The following NRK variants were observed in gnomAD, a reference collection of about 807,000 sequenced individuals.
The protein encoded by NRK is Nik related kinase, also known as nik-related protein kinase.
In NRK, 67 loss-of-function variants were observed where a neutral mutation model predicts 125.2. The observed-to-expected ratio is 0.54, with a 90% CI of 0.44 to 0.66. The LOEUF is 0.66. Ranked by LOEUF, NRK falls within the 30% of genes least tolerant of loss-of-function variation. The pLI is 0.00. For missense variants in NRK, 1,224 were observed against 1,192.9 expected (o/e 1.03, Z -0.38); for synonymous variants, 458 against 429.0 (o/e 1.07, Z -0.84).
At chrX:105,940,697 A>T in intron 23 of NRK, among the ~76,000 whole-genome samples, 2 of 111,917 alleles carry the variant, frequency 1.8e-5, no homozygotes. Context: ...GCTCTCAGCT[A>T]TAAAAAACCG....
At chrX:105,878,945 A>T (rs1158931833) in intron 2 of NRK, among the ~76,000 whole-genome samples, 1 of 111,335 alleles carries the variant, frequency 9.0e-6, no homozygotes, top group African/African-American at 3.3e-5. Context: ...TTTTGGACAT[A>T]AGAATTCTGA....
In NRK at chrX:105,939,956, G is replaced by A. The variant is rs56141600; in HGVS notation, c.3882G>A (p.Arg1294=). 5.3e-4 allele frequency: 631 copies of A among 1,188,504 alleles called. 1 individual carries two copies. Among genetic ancestry groups the A allele is most frequent in the Non-Finnish European group, 6.6e-4 (578 of 879,427 alleles). The change falls in exon 23 of 29, where the codon AGG becomes AGA. Residue 1294 remains arginine (R), a synonymous_variant. Transcript: ENST00000243300. ...ILNNDPESKR[R]QEEMLKTEEA... ...ATAATGATCCAGAAAGTAAAAGAAG[G>A]CAAGAAGAAATGCTGAAGACAGAGG...
At chrX:105,908,706 T>C (rs1295028230) in intron 12 of NRK, 21 bp from the exon 13 acceptor site, 1 of 1,159,554 alleles carries the variant, frequency 8.6e-7, no homozygotes, top group Admixed American at 2.6e-5. Context: ...TGTATGCCAA[T>C]CATTTGTGTG....
chrX:105,874,368 G>A (rs1187245215), intron 2 of NRK, among the ~76,000 whole-genome samples: 1 of 112,281 alleles, frequency 8.9e-6, no homozygotes, highest in East Asian at 2.8e-4. Context: ...TTGTTGATCA[G>A]TTAGAAGTCA....
Position 105,939,932 on chromosome X carries a change from T to G in NRK, c.3858T>G (p.Asn1286Lys). The change falls in exon 23 of 29, where the codon AAT becomes AAG. Residue 1286 changes from asparagine to lysine, a missense_variant. Asn to Lys is a moderately conservative substitution (Grantham distance 94). Coordinates refer to ENST00000243300, the MANE Select transcript of NRK (RefSeq NM_198465.4). ...CCTGGTTGAGGAACAAGATTTTGAATAATGATCCAGAAAGTAAAAGAAGGC... is the reference window on the plus strand; with the variant it reads ...CCTGGTTGAGGAACAAGATTTTGAAGAATGATCCAGAAAGTAAAAGAAGGC... ...HLTWLRNKIL[N>K]NDPESKRRQE... 1 of 1,191,350 alleles carries G rather than the reference T, an allele frequency of 8.4e-7. No homozygotes were observed. Among genetic ancestry groups the G allele is most frequent in the Non-Finnish European group, 1.1e-6 (1 of 879,100 alleles).
intron 5 of NRK, among the ~76,000 whole-genome samples, chrX:105,889,752 C>T (rs2039993016): frequency 8.9e-6 from 1 of 112,434 alleles, no homozygotes; most frequent in African/African-American, 3.2e-5. Flanking sequence ...TGTACCTTGG[C>T]CCCTTTTAGC....
chrX:105,863,433 C>T (rs948928652), intron 2 of NRK, among the ~76,000 whole-genome samples: 2 of 110,493 alleles, frequency 1.8e-5, no homozygotes, highest in Non-Finnish European at 3.8e-5. Context: ...GAATCCTTGC[C>T]GATGTTTAGT....
chrX:105,869,519 T>A (rs181654777), intron 2 of NRK, among the ~76,000 whole-genome samples: 44 of 111,433 alleles, frequency 3.9e-4, no homozygotes, highest in Non-Finnish European at 6.0e-4. Context: ...TTAGTAGCCA[T>A]CCCAGTCAAC....
At chrX:105,841,414 T>C (rs1053311809) in intron 2 of NRK, among the ~76,000 whole-genome samples, 2 of 111,575 alleles carry the variant, frequency 1.8e-5, no homozygotes, top group African/African-American at 6.5e-5. Context: ...AGAGGGAAAA[T>C]GAAGTGGGAA....
intron 1 of NRK, among the ~76,000 whole-genome samples, chrX:105,826,281 AAATATATATTATCATATATATAATAGAT>A (rs1205481775): frequency 1.4e-4 from 9 of 66,498 alleles, no homozygotes; most frequent in African/African-American, 4.5e-4. Context: ...AATATATATG[AAATATATATTATCATATATATAATAGAT>A]AATATATATT....
intron 23 of NRK, 29 bp from the exon 24 acceptor site, chrX:105,943,912 C>T (rs763378954): frequency 3.9e-5 from 29 of 746,156 alleles, no homozygotes; most frequent in Admixed American, 6.2e-5. Flanking sequence ...ACTGTGGCAT[C>T]GTTACTTTTT....
In NRK at chrX:105,935,284, A is replaced by G. The variant is rs779554607; in HGVS notation, c.3614A>G (p.Glu1205Gly). 18 of 1,202,637 alleles carry G rather than the reference A, an allele frequency of 1.5e-5. No individual in the cohort carries two copies. In the South Asian group the frequency reaches 3.0e-4, roughly 20 times the overall value. The change falls in exon 21 of 29, where the codon GAA (glutamate) becomes GGA (glycine). Residue 1205 changes from glutamate to glycine, a missense_variant. Physicochemically the swap from Glu to Gly is moderately conservative, Grantham distance 98 (BLOSUM62 -2). Coordinates refer to ENST00000243300, the MANE Select transcript of NRK (RefSeq NM_198465.4). Reference protein sequence around the residue: ...ACKKPLIHMYEKEFTSEICCG... With the variant: ...ACKKPLIHMYGKEFTSEICCG... ...AAAAAACCACTAATCCACATGTATG[A>G]AAAGGAGTTCACTTCTGAGATCTGC... is the stretch of plus-strand genomic sequence containing the variant.
chrX:105,958,534 C>G lies in NRK; in HGVS notation c.*2934C>G, dbSNP rs2147812099. On this transcript the variant is annotated 3_prime_UTR_variant, in exon 29 of 29. Coordinates refer to ENST00000243300, the MANE Select transcript of NRK (RefSeq NM_198465.4). ...ATTAATTTGTATTCAATGTGTACTT[C>G]AAGACTGCTAATTGTTTCATCTGAA... 8.9e-6 allele frequency: 1 copy of G among 112,124 alleles called. No individual in the cohort carries two copies. The highest frequency in any genetic ancestry group is 1.9e-5 in the Non-Finnish European group (1 of 53,219). 9.2% of individuals were successfully genotyped at this position (112,124 alleles called of 1,213,427 possible). A position where few individuals can be genotyped will look rare whatever the true frequency, so the allele number is the denominator to read the frequency against.
At chrX:105,826,792 T>C (rs1192603367) in intron 1 of NRK, among the ~76,000 whole-genome samples, 1 of 111,167 alleles carries the variant, frequency 9.0e-6, no homozygotes, top group Non-Finnish European at 1.9e-5. Flanking sequence ...GAAGCAGTTT[T>C]ACCTTCATTT....
rs775009772 is a variant in NRK, at chrX:105,909,411, C to G, written c.1770C>G (p.Pro590=). The change falls in exon 13 of 29, where the codon CCC becomes CCG. Residue 590 remains proline, a synonymous_variant. Transcript: ENST00000243300. ...SLRVNAQVFL[P]LLSQDHHVLL... ...GAGTAAATGCCCAGGTATTTCTGCC[C>G]CTGCTATCACAAGATCACCATGTGC... The G allele has an allele frequency of 2.5e-6, 3 of 1,205,477 alleles. No individual in the cohort carries two copies. Among genetic ancestry groups the G allele is most frequent in the Non-Finnish European group, 3.4e-6 (3 of 893,015 alleles).
rs960103722 is a variant in NRK, at chrX:105,937,321, G to C, written c.3656-118G>C. ...TGAAAAATAATATGAGGTGAATATA[G>C]CCTAAACTGATAAGTCATCTTTACA... On this transcript the variant is annotated intron_variant, in intron 21 of 28. Coordinates refer to ENST00000243300, the MANE Select transcript of NRK (RefSeq NM_198465.4). 1.7e-5 allele frequency: 7 copies of C among 401,825 alleles called. No homozygotes were observed. In the African/African-American group the frequency reaches 1.8e-4, roughly 10 times the overall value. 33.1% of individuals were successfully genotyped at this position (401,825 alleles called of 1,213,427 possible).
intron 2 of NRK, among the ~76,000 whole-genome samples, chrX:105,861,178 T>C (rs1272196956): frequency 8.9e-6 from 1 of 112,364 alleles, no homozygotes; most frequent in African/African-American, 3.2e-5. Context: ...TTTTAGTGGA[T>C]GTGGAGTGGT....
In NRK at chrX:105,909,171, A is replaced by T; in HGVS notation, c.1530A>T (p.Pro510=). Residue 510 remains proline (P), a synonymous_variant, in exon 13 of 29, where the codon CCA becomes CCT. Transcript: ENST00000243300. ...AGGCCCAGACCCAGACATCAGAACC[A>T]CAAGATTTGGACCAGGTACCAGAGG... The part of the protein sequence containing the change: ...KQQAQTQTSE[P]QDLDQVPEEF... 3.3e-6 allele frequency: 4 copies of T among 1,211,253 alleles called. No individual in the cohort carries two copies. The highest frequency in any genetic ancestry group is 4.5e-6 in the Non-Finnish European group (4 of 895,238).
intron 4 of NRK, among the ~76,000 whole-genome samples, chrX:105,884,549 G>A (rs2039919050): frequency 9.0e-6 from 1 of 111,645 alleles, no homozygotes; most frequent in Admixed American, 9.6e-5. Context: ...AATTAGCTAA[G>A]AGAGAAGGTA....
Sources: allele counts gnomAD v4.1 joint callset (sites outside exome capture counted in the v4.1 genomes callset), GRCh38; gene constraint gnomAD v4.1.1; transcripts MANE v1.5; gene names NCBI Gene and HGNC (gene_info 2026-07-23, HGNC 2026-07-21).